Variants in PLEKHG1 observed in about 807,000 individuals in gnomAD.
PLEKHG1 encodes pleckstrin homology domain-containing family G member 1.
A neutral mutation model predicts 100.8 loss-of-function variants in PLEKHG1; 44 were observed. That is an observed-to-expected ratio of 0.44 (90% CI 0.34 to 0.56). PLEKHG1 has a LOEUF of 0.56. Among genes scored for constraint, PLEKHG1 ranks in the 20% least tolerant of loss-of-function variants. The probability of loss-of-function intolerance (pLI) is 0.01; values close to 1 mark genes in which losing one functional copy is unlikely to be tolerated. For missense variants in PLEKHG1, 1,545 were observed against 1,720.9 expected (o/e 0.90, Z 1.81); for synonymous variants, 640 against 662.5 (o/e 0.97, Z 0.52).
intron 1 of PLEKHG1, among the ~76,000 whole-genome samples, chr6:150,633,559 G>A (rs1777853313): frequency 6.6e-6 from 1 of 152,220 alleles, no homozygotes; most frequent in Non-Finnish European, 1.5e-5. Flanking sequence ...TAAGTCTGGA[G>A]GCTTTGGCTG....
At chr6:150,607,831 A>C (rs1245137471) in intron 1 of PLEKHG1, among the ~76,000 whole-genome samples, 4 of 152,174 alleles carry the variant, frequency 2.6e-5, no homozygotes, top group African/African-American at 9.7e-5. Flanking sequence ...AAATGGGTGC[A>C]TGGATGGGCT....
chr6:150,658,961 G>A (rs966116296), intron 3 of PLEKHG1, among the ~76,000 whole-genome samples: 1 of 152,118 alleles, frequency 6.6e-6, no homozygotes, highest in African/African-American at 2.4e-5. Flanking sequence ...TACAGATTAG[G>A]AGCCTGAAGC....
At chr6:150,672,458 T>C (rs1779615643) in intron 3 of PLEKHG1, among the ~76,000 whole-genome samples, 1 of 152,062 alleles carries the variant, frequency 6.6e-6, no homozygotes, top group African/African-American at 2.4e-5. Flanking sequence ...TGAGTGAAAA[T>C]TGAGATTAAG....
intron 2 of PLEKHG1, among the ~76,000 whole-genome samples, chr6:150,756,584 C>T (rs1263857660): frequency 6.6e-6 from 1 of 152,108 alleles, no homozygotes; most frequent in African/African-American, 2.4e-5. Context: ...TGCATTGCAT[C>T]GCGACTTTCA....
At chr6:150,814,187 TGGCC>T (rs1787721823) in intron 10 of PLEKHG1, among the ~76,000 whole-genome samples, 1 of 152,214 alleles carries the variant, frequency 6.6e-6, no homozygotes, top group African/African-American at 2.4e-5. Context: ...ATTTTGTTGC[TGGCC>T]TGGTGCCTTA....
rs560498110 is a variant in PLEKHG1, at chr6:150,736,728, C to T, written c.411+2636C>T. The stretch of plus-strand genomic sequence containing the variant: ...AGGCTGCAGTGAGCCGAGATTGCAC[C>T]GCTGCACTCCAGCCTGGGTGACAGA... On this transcript the variant is annotated intron_variant, in intron 2 of 15. Coordinates refer to ENST00000358517, the Ensembl canonical transcript of PLEKHG1. 1.2e-4 allele frequency among the ~76,000 whole-genome samples: 19 copies of T among 152,124 alleles called. No individual in the cohort carries two copies. In the South Asian group the frequency reaches 1.9e-3, roughly 15 times the overall value.
At chr6:150,766,161 ACT>A (rs1374507479) in intron 2 of PLEKHG1, among the ~76,000 whole-genome samples, 5 of 152,122 alleles carry the variant, frequency 3.3e-5, no homozygotes, top group African/African-American at 9.7e-5. Context: ...TTTTGTGTGT[ACT>A]CTCTGCTCCT....
exon 15 of PLEKHG1, chr6:150,830,637 A>G (rs1776862270): frequency 4.3e-6 from 7 of 1,612,818 alleles, no homozygotes; most frequent in Non-Finnish European, 5.9e-6. Flanking sequence ...TCTCCTGCCC[A>G]GAGAAATAGT....
At chr6:150,842,252 G>A (rs546753381) in exon 16 of PLEKHG1, 1 of 152,322 alleles carries the variant, frequency 6.6e-6, no homozygotes, top group Non-Finnish European at 1.5e-5. Context: ...GCTTTCTCAA[G>A]CGGTGGCCTT....
intron 1 of PLEKHG1, among the ~76,000 whole-genome samples, chr6:150,628,200 G>A (rs1322824522): frequency 6.6e-6 from 1 of 152,144 alleles, no homozygotes; most frequent in Non-Finnish European, 1.5e-5. Context: ...AGTAAAACTG[G>A]CAATGAAGCA....
chr6:150,805,499 G>T (rs1259310674), intron 7 of PLEKHG1, among the ~76,000 whole-genome samples: 1 of 151,844 alleles, frequency 6.6e-6, no homozygotes, highest in African/African-American at 2.4e-5. Context: ...AGTCACTTGG[G>T]ACCTGACCCT....
intron 3 of PLEKHG1, among the ~76,000 whole-genome samples, chr6:150,783,199 G>A (rs945413257): frequency 6.6e-6 from 1 of 151,058 alleles, no homozygotes; most frequent in East Asian, 1.9e-4. Context: ...GAAATAAAGG[G>A]GAGGTCTCCC....
In PLEKHG1 at chr6:150,815,430, G is replaced by A. The variant is rs79331281; in HGVS notation, c.1279-2753G>A. Reference sequence around the variant, plus strand: ...GGAACTTCTTGGAAATAGCCATATTGCCCATTAGTATATGTGGTAAATAAA... The same window carrying A: ...GGAACTTCTTGGAAATAGCCATATTACCCATTAGTATATGTGGTAAATAAA... On this transcript the variant is annotated intron_variant, in intron 10 of 15. Transcript: ENST00000358517. Among the ~76,000 whole-genome samples, 471 of 152,278 alleles carry A rather than the reference G, an allele frequency of 3.1e-3. 14 individuals are homozygous for A. In the East Asian group the frequency reaches 0.064, roughly 21 times the overall value.
intron 4 of PLEKHG1, among the ~76,000 whole-genome samples, chr6:150,789,563 T>C (rs1785843017): frequency 6.6e-6 from 1 of 152,204 alleles, no homozygotes; most frequent in African/African-American, 2.4e-5. Context: ...AGTCATGAGG[T>C]CTTATGATAG....
chr6:150,638,146 T>A (rs1039834864), intron 2 of PLEKHG1: 3 of 152,240 alleles, frequency 2.0e-5, no homozygotes, highest in African/African-American at 7.2e-5. Flanking sequence ...TCAAAGATGA[T>A]CTTCTTGGAT....
chr6:150,802,754 G>A (rs1057390115), intron 6 of PLEKHG1, among the ~76,000 whole-genome samples: 2 of 149,594 alleles, frequency 1.3e-5, no homozygotes, highest in East Asian at 4.0e-4. Context: ...TCCGCCTCCC[G>A]GGTTCAAGCG....
chr6:150,768,590 T>C, intron 2 of PLEKHG1, 48 bp from the exon 4 acceptor site: 1 of 983,674 alleles, frequency 1.0e-6, no homozygotes, highest in Non-Finnish European at 1.6e-6. Context: ...TAAAGATGAC[T>C]TGGAAAGGAC....
At chr6:150,824,668 T>C (rs1776487571) in intron 14 of PLEKHG1, among the ~76,000 whole-genome samples, 1 of 151,450 alleles carries the variant, frequency 6.6e-6, no homozygotes, top group East Asian at 1.9e-4. Flanking sequence ...TAGCTTGGAC[T>C]ACAGGCACCC....
intron 3 of PLEKHG1, among the ~76,000 whole-genome samples, chr6:150,704,669 A>C (rs2128600952): frequency 6.6e-6 from 1 of 152,380 alleles, no homozygotes; most frequent in Non-Finnish European, 1.5e-5. Context: ...GGCAGGGCCC[A>C]GCAATCTGGT....
Sources: allele counts gnomAD v4.1 joint callset (sites outside exome capture counted in the v4.1 genomes callset), GRCh38; gene constraint gnomAD v4.1.1; transcripts MANE v1.5; gene names NCBI Gene and HGNC (gene_info 2026-07-23, HGNC 2026-07-21).